Variants in PACC1 observed in about 807,000 individuals in gnomAD.
PACC1 encodes proton activated chloride channel 1.
A neutral mutation model predicts 39.7 loss-of-function variants in PACC1; 34 were observed. That is an observed-to-expected ratio of 0.86 (90% CI 0.65 to 1.14). The LOEUF is 1.14. Among genes scored for constraint, PACC1 ranks in the 50% most tolerant of loss-of-function variants. The probability of loss-of-function intolerance (pLI) is 0.00; values close to 1 mark genes in which losing one functional copy is unlikely to be tolerated. For missense variants in PACC1, 379 were observed against 436.4 expected (o/e 0.87, Z 1.17); for synonymous variants, 127 against 160.6 (o/e 0.79, Z 1.58).
chr1:212,394,223 A>G (rs1661431224), intron 2 of PACC1, among the ~76,000 whole-genome samples: 1 of 152,230 alleles, frequency 6.6e-6, no homozygotes, highest in Non-Finnish European at 1.5e-5. Context: ...GCAGCACATC[A>G]AAAAGCTTAT....
chr1:212,388,608 A>C (rs753646876), intron 2 of PACC1, among the ~76,000 whole-genome samples: 1 of 152,198 alleles, frequency 6.6e-6, no homozygotes, highest in Non-Finnish European at 1.5e-5. Flanking sequence ...GCACACAGGA[A>C]AAAAGGCCAT....
chr1:212,371,537 A>G (rs2102469863), intron 7 of PACC1, among the ~76,000 whole-genome samples: 1 of 152,292 alleles, frequency 6.6e-6, no homozygotes, highest in East Asian at 1.9e-4. Flanking sequence ...TATGAGTAAC[A>G]AGACAGAGGC....
In PACC1 at chr1:212,386,889, A is replaced by AC. The variant is rs760603852; in HGVS notation, c.343+1dup. 2.2e-5 allele frequency: 35 copies of AC among 1,614,070 alleles called. No homozygotes were observed. Among genetic ancestry groups the AC allele is most frequent in the Non-Finnish European group, 2.8e-5 (33 of 1,179,990 alleles). On this transcript the variant is annotated splice_donor_variant, in intron 3 of 7. Transcript: ENST00000261455. LOFTEE classifies it high-confidence loss of function. The surrounding 1 kb of genome is among the most constrained non-coding windows in gnomAD (Gnocchi z 5.0). Reference sequence around the variant, plus strand: ...GATGCCTGGCCCAGGGGCAGGCTCTACCTGGGGCATCATAGCGATCCACTT... The same window carrying AC: ...GATGCCTGGCCCAGGGGCAGGCTCTACCCTGGGGCATCATAGCGATCCACTT...
chr1:212,390,179 C>T (rs1387587318), intron 2 of PACC1, among the ~76,000 whole-genome samples: 3 of 151,984 alleles, frequency 2.0e-5, no homozygotes, highest in Non-Finnish European at 4.4e-5. Context: ...AATCCCAGCA[C>T]TTTGGGAGGC....
chr1:212,403,555 C>A (rs1661792266), intron 2 of PACC1, among the ~76,000 whole-genome samples: 1 of 152,176 alleles, frequency 6.6e-6, no homozygotes, highest in African/African-American at 2.4e-5. Flanking sequence ...CGTATGCCAA[C>A]AACAAATAGG....
chr1:212,380,152 A>T, intron 4 of PACC1, 115 bp from the exon 5 acceptor site: 7 of 1,100,438 alleles, frequency 6.4e-6, no homozygotes, highest in Non-Finnish European at 9.1e-6. Flanking sequence ...GTGGTCTCCA[A>T]AGGGACCACT....
At chr1:212,413,838 C>T in intron 1 of PACC1, 1 of 1,468,428 alleles carries the variant, frequency 6.8e-7, no homozygotes, top group South Asian at 1.3e-5. Context: ...GCGATGGTAA[C>T]ACAGTATCGC....
At chr1:212,413,880 A>C in intron 1 of PACC1, 1 of 1,527,964 alleles carries the variant, frequency 6.5e-7, no homozygotes, top group Non-Finnish European at 8.7e-7. Context: ...CAGGGACACA[A>C]ACTGGAGGAG....
chr1:212,385,441 G>A lies in PACC1; in HGVS notation c.344-16C>T. 6.2e-7 allele frequency: 1 copy of A among 1,613,864 alleles called. No homozygotes were observed. The highest frequency in any genetic ancestry group is 2.2e-5 in the East Asian group (1 of 44,878). On this transcript the variant is annotated splice_polypyrimidine_tract_variant and intron_variant, in intron 3 of 7. Transcript: ENST00000261455. ...AAGGCAATACCTGGGGGCACAAACAGGAAAAGCAAGTGTCAGAAATCACAC... is the reference window on the plus strand; with the variant it reads ...AAGGCAATACCTGGGGGCACAAACAAGAAAAGCAAGTGTCAGAAATCACAC...
intron 2 of PACC1, among the ~76,000 whole-genome samples, chr1:212,387,392 G>C (rs1397909057): frequency 1.3e-5 from 2 of 152,066 alleles, no homozygotes; most frequent in African/African-American, 4.8e-5. Context: ...AATGTTAAAA[G>C]AAAAAGCAAA....
At chr1:212,404,700 T>G (rs1038823911) in intron 2 of PACC1, among the ~76,000 whole-genome samples, 1 of 150,770 alleles carries the variant, frequency 6.6e-6, no homozygotes, top group Non-Finnish European at 1.5e-5. Flanking sequence ...CCAGCCTTCC[T>G]TCCTTTTTTT....
chr1:212,366,522 G>C (rs377200512), intron 7 of PACC1, among the ~76,000 whole-genome samples: 1 of 151,726 alleles, frequency 6.6e-6, no homozygotes, highest in African/African-American at 2.4e-5. Flanking sequence ...GGATGGTCTC[G>C]ATCTTATGAC....
intron 2 of PACC1, among the ~76,000 whole-genome samples, chr1:212,391,342 C>T (rs1421671102): frequency 6.6e-6 from 1 of 152,182 alleles, no homozygotes; most frequent in Non-Finnish European, 1.5e-5. Flanking sequence ...GTCTGGAGTG[C>T]ACCTCCAGCA....
chr1:212,375,670 A>C (rs977989921), intron 6 of PACC1, among the ~76,000 whole-genome samples: 4 of 152,202 alleles, frequency 2.6e-5, no homozygotes, highest in African/African-American at 9.7e-5. Flanking sequence ...AGATCACCTG[A>C]GGTCAGGAGT....
intron 1 of PACC1, among the ~76,000 whole-genome samples, chr1:212,411,807 C>T (rs1270467860): frequency 6.6e-6 from 1 of 152,162 alleles, no homozygotes; most frequent in South Asian, 2.1e-4. Flanking sequence ...TAGAATCAGG[C>T]AAAATCTCCA....
intron 7 of PACC1, among the ~76,000 whole-genome samples, chr1:212,371,241 C>CAAAAAAAAAAA (rs1189603478): frequency 2.3e-5 from 2 of 88,786 alleles, no homozygotes; most frequent in African/African-American, 5.0e-5. Context: ...GACTCCATTT[C>CAAAAAAAAAAA]AAAAAAAAAA....
At chr1:212,390,244 GA>G (rs1661260892) in intron 2 of PACC1, among the ~76,000 whole-genome samples, 1 of 151,886 alleles carries the variant, frequency 6.6e-6, no homozygotes, top group Admixed American at 6.6e-5. Context: ...CCAATGTGGT[GA>G]AACCCCGTCT....
chr1:212,401,518 C>T (rs935921028), intron 2 of PACC1, among the ~76,000 whole-genome samples: 6 of 149,086 alleles, frequency 4.0e-5, no homozygotes, highest in Non-Finnish European at 7.4e-5. Context: ...CCCAGCCACT[C>T]GAGAGGCTGA....
intron 2 of PACC1, among the ~76,000 whole-genome samples, chr1:212,395,500 G>A (rs1287464254): frequency 6.6e-6 from 1 of 152,080 alleles, no homozygotes; most frequent in East Asian, 1.9e-4. Flanking sequence ...GAAAACCTAG[G>A]CAATACCATT....
Sources: gnomAD v4.1 joint callset for allele counts (sites outside exome capture counted in the v4.1 genomes callset) on GRCh38, gnomAD v4.1.1 for gene constraint, Gnocchi (gnomAD v3.1) non-coding constraint, MANE v1.5 for transcripts, NCBI Gene and HGNC (gene_info 2026-07-23, HGNC 2026-07-21) for gene names.